FAT3: variants seen among roughly 807,000 people sequenced by gnomAD.
The protein encoded by FAT3 is protocadherin Fat 3.
In FAT3, 95 loss-of-function variants were observed where a neutral mutation model predicts 310.2. The observed-to-expected ratio is 0.31, with a 90% CI of 0.26 to 0.36. FAT3 has a LOEUF of 0.36. FAT3 is among the 10% of genes least tolerant of loss of function. The pLI is 1.00. For synonymous variants in FAT3, 2,314 were observed against 2,192.9 expected, an observed-to-expected ratio of 1.06 and a Z score of -1.54; for missense variants, 5,408 against 5,715.6, an observed-to-expected ratio of 0.95 and a Z score of 1.74.
At chr11:92,583,477 C>T (rs1252044060) in intron 3 of FAT3, among the ~76,000 whole-genome samples, 1 of 151,992 alleles carries the variant, frequency 6.6e-6, no homozygotes, top group East Asian at 1.9e-4. Context: ...CCTAAGATAA[C>T]ATTCCTGACA....
At chr11:92,869,534 A>G (rs1369047561) in intron 22 of FAT3, among the ~76,000 whole-genome samples, 1 of 152,242 alleles carries the variant, frequency 6.6e-6, no homozygotes, top group Non-Finnish European at 1.5e-5. Context: ...GGCTTCTAAG[A>G]AAAGCAGAAA....
rs531970385 is a variant in FAT3, at chr11:92,256,000, A to G, written c.-18+30826A>G. ...AAATTAAGTAAAACTAGAGTGTTGC[A>G]CTCTGCTGTAAATATCCTTAGCTTT... On this transcript the variant is annotated intron_variant, in intron 1 of 27. Transcript: ENST00000525166. Among the ~76,000 whole-genome samples, 3 of 152,220 alleles carry G rather than the reference A, an allele frequency of 2.0e-5. No individual in the cohort carries two copies. In the East Asian group the frequency reaches 5.8e-4, roughly 29 times the overall value.
intron 1 of FAT3, among the ~76,000 whole-genome samples, chr11:92,247,743 A>G (rs535706100): frequency 1.8e-5 from 2 of 113,370 alleles, no homozygotes; most frequent in East Asian, 2.6e-4. Context: ...TTTTTTTTTT[A>G]TATTCAAGCT....
intron 2 of FAT3, among the ~76,000 whole-genome samples, chr11:92,426,172 T>G (rs1950628568): frequency 6.6e-6 from 1 of 152,252 alleles, no homozygotes; most frequent in South Asian, 2.1e-4. Context: ...GTTGGCTGCA[T>G]AAATGTTGTC....
chr11:92,799,875 G>T lies in FAT3; in HGVS notation c.6862G>T (p.Asp2288Tyr). 6.2e-7 allele frequency: 1 copy of T among 1,612,904 alleles called. No individual in the cohort carries two copies. Among genetic ancestry groups the T allele is most frequent in the Non-Finnish European group, 8.5e-7 (1 of 1,179,506 alleles). Reference sequence around the variant, plus strand: ...TGTAAATGACAACCCCCCTATTTTCGATCAGCCTACATACAATACAACACT... The same window carrying T: ...TGTAAATGACAACCCCCCTATTTTCTATCAGCCTACATACAATACAACACT... ...NDVNDNPPIF[D>Y]QPTYNTTLSE... Residue 2288 changes from aspartate to tyrosine, a missense_variant, in exon 10 of 28, where the codon GAT becomes TAT. Physicochemically the swap from Asp to Tyr is radical, Grantham distance 160. Coordinates refer to ENST00000525166, the MANE Select transcript of FAT3 (RefSeq NM_001367949.2).
In FAT3 at chr11:92,289,417, A is replaced by C. The variant is rs371965699; in HGVS notation, c.-17-62679A>C. On this transcript the variant is annotated intron_variant, in intron 1 of 27. Coordinates refer to ENST00000525166, the MANE Select transcript of FAT3 (RefSeq NM_001367949.2). ...ATGGATGTCCAGTTCTTTACCCCAC[A>C]CATTTGCTACTTCTGCCATCTTACT... 3.9e-5 allele frequency among the ~76,000 whole-genome samples: 6 copies of C among 151,924 alleles called. No homozygotes were observed. The East Asian group carries it at 9.8e-4, about 25-fold the overall frequency.
At chr11:92,536,254 T>C (rs2135398467) in intron 3 of FAT3, among the ~76,000 whole-genome samples, 1 of 152,352 alleles carries the variant, frequency 6.6e-6, no homozygotes, top group African/African-American at 2.4e-5. Context: ...TGTTGAGTTA[T>C]TGATAGCAGT....
At chr11:92,877,379 A>G (rs908675447) in intron 22 of FAT3, among the ~76,000 whole-genome samples, 1 of 152,126 alleles carries the variant, frequency 6.6e-6, no homozygotes, top group African/African-American at 2.4e-5. Flanking sequence ...CAACCAGGCA[A>G]TTGTTCCCCC....
At chr11:92,847,565 C>G (rs149003005) in intron 19 of FAT3, among the ~76,000 whole-genome samples, 191 of 152,308 alleles carry the variant, frequency 1.3e-3, no homozygotes, top group Non-Finnish European at 1.9e-3. Context: ...GAAGTTCTCT[C>G]AGACTCCTGT....
intron 4 of FAT3, chr11:92,748,692 G>C (rs1945742828): frequency 6.6e-6 from 1 of 152,164 alleles, no homozygotes; most frequent in Admixed American, 6.5e-5. Context: ...GGAGTGACTG[G>C]AACACCTATC....
chr11:92,527,832 G>A (rs1245419613), intron 3 of FAT3, among the ~76,000 whole-genome samples: 2 of 152,038 alleles, frequency 1.3e-5, no homozygotes, highest in Admixed American at 1.3e-4. Flanking sequence ...TAGATAGATA[G>A]ATACATAGAT....
chr11:92,606,520 T>A (rs909857855), intron 3 of FAT3, among the ~76,000 whole-genome samples: 2 of 152,186 alleles, frequency 1.3e-5, no homozygotes, highest in Non-Finnish European at 2.9e-5. Context: ...TCTTTCCAGC[T>A]CACCGATTAG....
intron 4 of FAT3, among the ~76,000 whole-genome samples, chr11:92,717,993 AG>A (rs1395104075): frequency 1.3e-5 from 2 of 152,148 alleles, no homozygotes; most frequent in Non-Finnish European, 2.9e-5. Flanking sequence ...TTCTTTCAAG[AG>A]CTGGAGGCTA....
intron 2 of FAT3, among the ~76,000 whole-genome samples, chr11:92,431,414 C>T: frequency 6.6e-6 from 1 of 152,128 alleles, no homozygotes. Flanking sequence ...GATATTAGCC[C>T]TTTGTCAGAT....
At chr11:92,806,239 GA>G (rs1385259745) in intron 11 of FAT3, 122 bp from the exon 12 acceptor site, 9 of 885,414 alleles carry the variant, frequency 1.0e-5, no homozygotes, top group African/African-American at 6.9e-5. Context: ...TGTAGTGAAG[GA>G]AAAAAATAAC....
intron 3 of FAT3, among the ~76,000 whole-genome samples, chr11:92,585,077 GCAGT>G (rs888274176): frequency 5.9e-5 from 9 of 151,954 alleles, no homozygotes; most frequent in African/African-American, 1.9e-4. Flanking sequence ...AATGATTAAA[GCAGT>G]CAAAGACAAG....
At chr11:92,761,171 G>A (rs751399718) in intron 4 of FAT3, among the ~76,000 whole-genome samples, 1 of 152,128 alleles carries the variant, frequency 6.6e-6, no homozygotes, top group Non-Finnish European at 1.5e-5. Flanking sequence ...TCACAATTCT[G>A]GAAGCTGGGA....
intron 2 of FAT3, among the ~76,000 whole-genome samples, chr11:92,521,453 C>A (rs1953680097): frequency 6.6e-6 from 1 of 152,140 alleles, no homozygotes; most frequent in African/African-American, 2.4e-5. Flanking sequence ...GGTGTGATTA[C>A]CATTTAGAAT....
At chr11:92,499,701 T>TTGTGTG (rs1177473369) in intron 2 of FAT3, among the ~76,000 whole-genome samples, 2 of 134,630 alleles carry the variant, frequency 1.5e-5, no homozygotes, top group Non-Finnish European at 3.0e-5. Flanking sequence ...AGTCTTGATC[T>TTGTGTG]TGTGTGTGTG....
Sources: allele counts gnomAD v4.1 joint callset (sites outside exome capture counted in the v4.1 genomes callset), GRCh38; gene constraint gnomAD v4.1.1; transcripts MANE v1.5; gene names NCBI Gene and HGNC (gene_info 2026-07-23, HGNC 2026-07-21).